RBFOX1: variants seen among roughly 807,000 people sequenced by gnomAD.
RBFOX1 encodes RNA binding protein fox-1 homolog 1.
In RBFOX1, 8 loss-of-function variants were observed where a neutral mutation model predicts 57.7. The ratio of observed to expected loss-of-function variants is 0.14; its 90% CI spans 0.08 to 0.25. The LOEUF (loss-of-function observed/expected upper bound fraction) is 0.25. RBFOX1 is among the 10% of genes least tolerant of loss of function. The pLI is 1.00. For synonymous variants in RBFOX1, 326 were observed against 222.4 expected, an observed-to-expected ratio of 1.47 and a Z score of -4.15; for missense variants, 611 against 548.5, an observed-to-expected ratio of 1.11 and a Z score of -1.14.
chr16:6,040,079 T>C (rs2095419711), intron 1 of RBFOX1, among the ~76,000 whole-genome samples: 2 of 152,238 alleles, frequency 1.3e-5, no homozygotes, highest in African/African-American at 4.8e-5. Flanking sequence ...GATCTCAGTG[T>C]GGTGTATTTG....
At chr16:5,453,171 C>T (rs1048457509) in intron 1 of RBFOX1, among the ~76,000 whole-genome samples, 16 of 152,142 alleles carry the variant, frequency 1.1e-4, no homozygotes, top group African/African-American at 3.9e-4. Context: ...ATTTATCAAG[C>T]TCCTACTGTG....
intron 5 of RBFOX1, among the ~76,000 whole-genome samples, chr16:7,545,649 C>A (rs540785818): frequency 2.5e-3 from 373 of 152,124 alleles, no homozygotes; most frequent in Non-Finnish European, 4.2e-3. Context: ...AGAATTAGAG[C>A]CAAATGCTCT....
At position 6,113,056 on chromosome 16, in the gene RBFOX1, A is replaced by T. The variant is rs951715046; in HGVS notation, c.-127+93064A>T. On this transcript the variant is annotated intron_variant, in intron 1 of 15. Coordinates refer to ENST00000550418, the MANE Select transcript of RBFOX1 (RefSeq NM_018723.4). Reference sequence around the variant, plus strand: ...AAACCATCCTAAAGCATAGTTCCTCAGATAACTTTGCTTACTCCTGAGTCT... The same window carrying T: ...AAACCATCCTAAAGCATAGTTCCTCTGATAACTTTGCTTACTCCTGAGTCT... Among the ~76,000 whole-genome samples, 8 of 152,160 alleles carry T rather than the reference A, an allele frequency of 5.3e-5. No individual in the cohort carries two copies. The East Asian group carries it at 1.5e-3, about 29-fold the overall frequency.
rs547075178 is a variant in RBFOX1 at position 6,575,172 on chromosome 16, A to G, written c.-63-79431A>G. Among the ~76,000 whole-genome samples, 3 of 152,252 alleles carry G rather than the reference A, an allele frequency of 2.0e-5. No homozygotes were observed. In the South Asian group the frequency reaches 6.2e-4, roughly 32 times the overall value. On this transcript the variant is annotated intron_variant, in intron 2 of 15. Transcript: ENST00000550418. ...TTGTTTGAAATCTGCCTTTAGAAAA[A>G]GACACGGCCTCATTTTATGCCTGTG...
At chr16:6,445,552 T>C (rs2094466727) in intron 2 of RBFOX1, among the ~76,000 whole-genome samples, 2 of 145,500 alleles carry the variant, frequency 1.4e-5, no homozygotes, top group Non-Finnish European at 3.0e-5. Context: ...TAACCTTGCC[T>C]CTGAACTCCT....
At chr16:7,014,782 T>C (rs1230226978) in intron 3 of RBFOX1, among the ~76,000 whole-genome samples, 1 of 152,140 alleles carries the variant, frequency 6.6e-6, no homozygotes, top group Admixed American at 6.6e-5. Context: ...TGGAGTGCAG[T>C]GGCACTGTCT....
At chr16:6,505,298 C>A (rs957796885) in intron 2 of RBFOX1, among the ~76,000 whole-genome samples, 1 of 151,998 alleles carries the variant, frequency 6.6e-6, no homozygotes, top group African/African-American at 2.4e-5. Flanking sequence ...TCATTTTCAC[C>A]CTGATATTCA....
At chr16:7,318,768 C>G (rs1480122253) in intron 4 of RBFOX1, among the ~76,000 whole-genome samples, 1 of 152,142 alleles carries the variant, frequency 6.6e-6, no homozygotes, top group Non-Finnish European at 1.5e-5. Flanking sequence ...TTTGCCTTCT[C>G]TCAACCGCCA....
At chr16:5,421,134 G>T (rs2067313230) in intron 1 of RBFOX1, among the ~76,000 whole-genome samples, 1 of 151,674 alleles carries the variant, frequency 6.6e-6, no homozygotes, top group Admixed American at 6.6e-5. Flanking sequence ...AGCCTCGAGA[G>T]TAGCTGGGAC....
chr16:5,515,361 G>A (rs2043753399), intron 2 of RBFOX1, among the ~76,000 whole-genome samples: 1 of 152,210 alleles, frequency 6.6e-6, no homozygotes, highest in Non-Finnish European at 1.5e-5. Context: ...TCAGCTGCAG[G>A]TGCCTGGATC....
chr16:7,334,833 A>G (rs1002459361), intron 4 of RBFOX1, among the ~76,000 whole-genome samples: 4 of 152,302 alleles, frequency 2.6e-5, no homozygotes, highest in African/African-American at 9.6e-5. Flanking sequence ...TTATTTTTGG[A>G]AAGAACAAGT....
At position 5,958,823 on chromosome 16, in the gene RBFOX1, T is replaced by A. The variant is rs11644531; in HGVS notation, c.351+91488T>A. On this transcript the variant is annotated intron_variant, in intron 4 of 19. Transcript: ENST00000641259. ...GCCACATCACGCTAATCTCTGATACTATTGTCTCTGCATATTACTAACCTT... is the reference window on the plus strand; with the variant it reads ...GCCACATCACGCTAATCTCTGATACAATTGTCTCTGCATATTACTAACCTT... 2.9e-3 allele frequency among the ~76,000 whole-genome samples: 448 copies of A among 152,152 alleles called. 15 individuals carry two copies. The East Asian group carries it at 0.07, about 24-fold the overall frequency.
chr16:7,574,201 G>T (rs1340117257), intron 5 of RBFOX1, among the ~76,000 whole-genome samples: 1 of 152,172 alleles, frequency 6.6e-6, no homozygotes, highest in Non-Finnish European at 1.5e-5. Flanking sequence ...AGGCGTCATT[G>T]CATCCAGGGC....
chr16:5,571,770 C>G (rs1024551515), intron 2 of RBFOX1, among the ~76,000 whole-genome samples: 2 of 152,230 alleles, frequency 1.3e-5, no homozygotes, highest in African/African-American at 4.8e-5. Context: ...GAGCTAGAAG[C>G]TCAGGGTCCT....
intron 5 of RBFOX1, among the ~76,000 whole-genome samples, chr16:7,557,352 G>T (rs147704499): frequency 0.024 from 3,689 of 152,186 alleles, 70 homozygotes; most frequent in Non-Finnish European, 0.036. Flanking sequence ...GGGTGTGGTG[G>T]CTTTCACCTG....
intron 4 of RBFOX1, among the ~76,000 whole-genome samples, chr16:7,492,503 G>A (rs1246128632): frequency 6.6e-6 from 1 of 152,068 alleles, no homozygotes; most frequent in African/African-American, 2.4e-5. Flanking sequence ...TCATATGACA[G>A]CCACTAGCCA....
chr16:7,298,442 C>A (rs1029358574), intron 4 of RBFOX1, among the ~76,000 whole-genome samples: 4 of 152,066 alleles, frequency 2.6e-5, no homozygotes, highest in African/African-American at 9.7e-5. Flanking sequence ...ATGCGTGCGA[C>A]TATGCCTGAG....
At position 6,302,477 on chromosome 16, in the gene RBFOX1, G is replaced by A. The variant is rs865866645; in HGVS notation, c.-126-14518G>A. Among the ~76,000 whole-genome samples, 14 of 151,982 alleles carry A rather than the reference G, an allele frequency of 9.2e-5. No homozygotes were observed. The South Asian group carries it at 1.0e-3, about 11-fold the overall frequency. The stretch of plus-strand genomic sequence containing the variant: ...TTTTAAAAAGTCAGATATCCCCTTC[G>A]ACTAGATGGATTTTATGTTTTGTTT... On this transcript the variant is annotated intron_variant, in intron 1 of 15. Coordinates refer to ENST00000550418, the MANE Select transcript of RBFOX1 (RefSeq NM_018723.4).
At chr16:7,111,866 A>G (rs2064850777) in intron 4 of RBFOX1, among the ~76,000 whole-genome samples, 1 of 151,958 alleles carries the variant, frequency 6.6e-6, no homozygotes, top group Non-Finnish European at 1.5e-5. Context: ...GTATAAATTG[A>G]TCAGTTGAAT....
Sources: gnomAD v4.1 joint callset for allele counts (sites outside exome capture counted in the v4.1 genomes callset) on GRCh38, gnomAD v4.1.1 for gene constraint, MANE v1.5 for transcripts, NCBI Gene and HGNC (gene_info 2026-07-23, HGNC 2026-07-21) for gene names.